The following ABCA7 variants were observed in gnomAD, a reference collection of about 807,000 sequenced individuals.
The protein encoded by ABCA7 is ATP binding cassette subfamily A member 7.
Under a neutral mutation model 227.6 loss-of-function variants are expected in ABCA7, and 261 were observed. The observed-to-expected ratio is 1.15, with a 90% CI of 1.04 to 1.27. The LOEUF is 1.27. Among genes scored for constraint, ABCA7 ranks in the 50% most tolerant of loss-of-function variants. ABCA7 has a pLI of 0.00. For synonymous variants in ABCA7, 1,488 were observed against 1,279.7 expected, an observed-to-expected ratio of 1.16 and a Z score of -3.47; for missense variants, 3,331 against 2,924.5, an observed-to-expected ratio of 1.14 and a Z score of -3.21.
Position 1,052,269 on chromosome 19 carries a change from G to A in ABCA7, c.3203G>A (p.Ser1068Asn). The A allele has an allele frequency of 6.5e-7, 1 of 1,543,626 alleles. No homozygotes were observed. The highest frequency in any genetic ancestry group is 8.7e-7 in the Non-Finnish European group (1 of 1,145,902). Reference protein sequence around the residue: ...VDTRQEKKNGSQGSRVGTPQL... With the variant: ...VDTRQEKKNGNQGSRVGTPQL... Reference sequence around the variant, plus strand: ...ACCAGGCAGGAAAAGAAGAATGGCAGCCAGGGCAGCAGAGTCGGTGAGGGC... The same window carrying A: ...ACCAGGCAGGAAAAGAAGAATGGCAACCAGGGCAGCAGAGTCGGTGAGGGC... The change falls in exon 23 of 47, where the codon AGC becomes AAC. Residue 1068 changes from serine to asparagine, a missense_variant. Transcript: ENST00000263094.
At chr19:1,047,735 G>T (rs1390001417) in intron 16 of ABCA7, 81 bp downstream of exon 16, 14 of 1,329,732 alleles carry the variant, frequency 1.1e-5, no homozygotes, top group Non-Finnish European at 1.1e-5. Flanking sequence ...CCTCCAGGCC[G>T]TTTGGGGGTG....
Position 1,058,879 on chromosome 19 carries a change from G to A in ABCA7, c.5339G>A (p.Arg1780Gln), listed in dbSNP as rs202238511. 3.9e-5 allele frequency: 61 copies of A among 1,579,928 alleles called. No individual in the cohort carries two copies. The East Asian group carries it at 8.8e-4, about 23-fold the overall frequency. ...GEEDEDVARE[R>Q]ERVVQGATQG... ...GAGGACGAGGATGTAGCCCGTGAAC[G>A]GGAGCGGGTGGTCCAAGGAGCCACC... The change falls in exon 39 of 47, where the codon CGG becomes CAG. Residue 1780 changes from arginine (R) to glutamine (Q), a missense_variant. Transcript: ENST00000263094.
At chr19:1,048,816 A>G (rs2041030523) in intron 16 of ABCA7, 79 bp from the exon 17 acceptor site, 1 of 820,202 alleles carries the variant, frequency 1.2e-6, no homozygotes, top group Non-Finnish European at 1.8e-6. Flanking sequence ...CTCAAAAAAA[A>G]AAAAAAACAA....
At position 1,044,573 on chromosome 19, in the gene ABCA7, C is replaced by A. The variant is rs772728537; in HGVS notation, c.1048-4C>A. 8 of 1,610,440 alleles carry A rather than the reference C, an allele frequency of 5.0e-6. No homozygotes were observed. In the South Asian group the frequency reaches 8.8e-5, roughly 18 times the overall value. On this transcript the variant is annotated splice_region_variant and splice_polypyrimidine_tract_variant and intron_variant, in intron 10 of 46. Coordinates refer to ENST00000263094, the MANE Select transcript of ABCA7 (RefSeq NM_019112.4). ...AGACTCTCACTTTCACCTGCGCCCC[C>A]CAGCGGCTCCTGCAGATGCAGGATG... is the stretch of plus-strand genomic sequence containing the variant.
rs752599354 is a variant in ABCA7 at position 1,056,551 on chromosome 19, A to T, written c.4586+52A>T. The T allele has an allele frequency of 6.4e-7, 1 of 1,550,890 alleles. No individual in the cohort carries two copies. The highest frequency in any genetic ancestry group is 8.7e-7 in the Non-Finnish European group (1 of 1,144,760). On this transcript the variant is annotated intron_variant, in intron 33 of 46. Transcript: ENST00000263094. The surrounding 1 kb of genome is among the most constrained non-coding windows in gnomAD (Gnocchi z 4.3). ...ACCCTGCACGTCCTACCCTGCCTCC[A>T]TTTCTCTGTCGTTTGGGGTGGTGGG...
In ABCA7 at chr19:1,053,820, G is replaced by C; in HGVS notation, c.3456G>C (p.Ala1152=). 1 of 1,612,076 alleles carries C rather than the reference G, an allele frequency of 6.2e-7. No homozygotes were observed. Among genetic ancestry groups the C allele is most frequent in the Non-Finnish European group, 8.5e-7 (1 of 1,178,784 alleles). The part of the protein sequence containing the change: ...IFLKVVEECA[A]DTDMEDGSCG... The stretch of plus-strand genomic sequence containing the variant: ...TGAAGGTGGTGGAGGAGTGTGCTGC[G>C]GACACAGATATGGAGGGTGCGGCCA... The change falls in exon 25 of 47, where the codon GCG becomes GCC. Residue 1152 remains alanine (A), a synonymous_variant. Transcript: ENST00000263094.
rs779093347 is a variant in ABCA7 at position 1,056,038 on chromosome 19, C to T, written c.4239-28C>T. ...CTCCCGGCCCCCCCGGCCCTCAGCT[C>T]CCCTTCCCTGCCTGCATGGCCCCAC... On this transcript the variant is annotated intron_variant, in intron 31 of 46. Transcript: ENST00000263094. This position sits in a 1 kb window ranked among gnomAD's most constrained non-coding sequence, Gnocchi z 4.3. The T allele has an allele frequency of 6.4e-7, 1 of 1,565,362 alleles. No individual in the cohort carries two copies. Among genetic ancestry groups the T allele is most frequent in the South Asian group, 1.2e-5 (1 of 84,684 alleles).
At chr19:1,047,416 C>T (rs759593859) in intron 15 of ABCA7, 37 bp from the exon 16 acceptor site, 25 of 1,537,676 alleles carry the variant, frequency 1.6e-5, no homozygotes, top group Non-Finnish European at 2.2e-5. Context: ...GGACGCCCCC[C>T]GCTTCGGCCG....
intron 40 of ABCA7, among the ~76,000 whole-genome samples, chr19:1,060,788 G>T (rs1163938042): frequency 6.6e-6 from 1 of 152,086 alleles, no homozygotes; most frequent in East Asian, 1.9e-4. Flanking sequence ...CCAAAGTGCT[G>T]GGGTTACAGG....
At chr19:1,050,634 G>C (rs2041491532) in intron 18 of ABCA7, among the ~76,000 whole-genome samples, 1 of 150,572 alleles carries the variant, frequency 6.6e-6, no homozygotes, top group South Asian at 2.1e-4. Context: ...AAAAAAATTA[G>C]CCGGACATGG....
intron 35 of ABCA7, 149 bp from the exon 36 acceptor site, chr19:1,057,765 GA>G (rs1334446686): frequency 3.6e-6 from 4 of 1,122,360 alleles, no homozygotes; most frequent in Admixed American, 5.0e-5. Context: ...GAGAGAAAGA[GA>G]AAGAGAGAAA....
At chr19:1,060,929 G>T (rs1485095251) in intron 40 of ABCA7, among the ~76,000 whole-genome samples, 1 of 152,160 alleles carries the variant, frequency 6.6e-6, no homozygotes, top group Non-Finnish European at 1.5e-5. Context: ...CATATGGAGA[G>T]CTCATGCCCT....
intron 35 of ABCA7, 98 bp downstream of exon 35, chr19:1,057,527 G>T: frequency 8.3e-7 from 1 of 1,199,888 alleles, no homozygotes. Context: ...CTCCCAAGGA[G>T]AGGATATGGA....
chr19:1,042,608 C>T, intron 6 of ABCA7, 138 bp from the exon 7 acceptor site: 1 of 1,065,856 alleles, frequency 9.4e-7, no homozygotes, highest in Non-Finnish European at 1.4e-6. Context: ...CAATGAGTCC[C>T]TTTGCCTCTC....
rs1599680805 is a variant in ABCA7, at chr19:1,055,360, T to C, written c.4205+9T>C. 6.4e-7 allele frequency: 1 copy of C among 1,565,618 alleles called. No homozygotes were observed. The highest frequency in any genetic ancestry group is 1.1e-5 in the South Asian group (1 of 87,190). On this transcript the variant is annotated intron_variant, in intron 30 of 46. Transcript: ENST00000263094. ...CGCCTGGTGCGCCAGGGGTGAGCCA[T>C]GCCCTGGGACTCAGTTTCCCTGGCT... is the stretch of plus-strand genomic sequence containing the variant.
At chr19:1,043,557 C>A in intron 9 of ABCA7, 84 bp downstream of exon 9, 1 of 1,601,200 alleles carries the variant, frequency 6.2e-7, no homozygotes, top group Non-Finnish European at 8.5e-7. Context: ...CAGGGCCAGG[C>A]CGGAGGGTCA....
rs535290674 is a variant in ABCA7, at chr19:1,054,326, C to T, written c.3711C>T (p.Arg1237=). Residue 1237 remains arginine, a synonymous_variant, in exon 27 of 47, where the codon CGC becomes CGT. Transcript: ENST00000263094. The surrounding 1 kb of genome is among the most constrained non-coding windows in gnomAD (Gnocchi z 4.8). ...TTCTGCTTGCCCGCCGCAGCCGCCGCGGCCTGTTCGCCCAGGTGAGGAGGG... is the reference window on the plus strand; with the variant it reads ...TTCTGCTTGCCCGCCGCAGCCGCCGTGGCCTGTTCGCCCAGGTGAGGAGGG... ...KRFLLARRSR[R]GLFAQIVLPA... The T allele has an allele frequency of 3.3e-5, 53 of 1,599,306 alleles. No homozygotes were observed. Among genetic ancestry groups the T allele is most frequent in the East Asian group, 1.3e-4 (6 of 44,834 alleles).
At chr19:1,046,034 G>T (rs1250811735) in intron 12 of ABCA7, among the ~76,000 whole-genome samples, 196 bp from the exon 13 acceptor site, 1 of 152,150 alleles carries the variant, frequency 6.6e-6, no homozygotes, top group Non-Finnish European at 1.5e-5. Flanking sequence ...AATAAAATTA[G>T]CCAGGCGACT....
chr19:1,063,304 C>T (rs4147924), intron 42 of ABCA7, among the ~76,000 whole-genome samples: 14,399 of 32,338 alleles, frequency 0.45, 5,047 homozygotes, highest in Admixed American at 0.62. Flanking sequence ...CCCTGCCCCA[C>T]ACCCATCCCA....
Sources: allele counts gnomAD v4.1 joint callset (sites outside exome capture counted in the v4.1 genomes callset), GRCh38; gene constraint gnomAD v4.1.1; non-coding constraint Gnocchi (gnomAD v3.1); transcripts MANE v1.5; gene names NCBI Gene and HGNC (gene_info 2026-07-23, HGNC 2026-07-21).